The following GALNT17 variants were observed in gnomAD, a reference collection of about 807,000 sequenced individuals.
The protein encoded by GALNT17 is UDP-GalNAc:polypeptide N-acetylgalactosaminyltransferase-like 3.
In GALNT17, 29 loss-of-function variants were observed where a neutral mutation model predicts 63.7. The ratio of observed to expected loss-of-function variants is 0.46; its 90% CI spans 0.34 to 0.62. The LOEUF (loss-of-function observed/expected upper bound fraction) is 0.62. GALNT17 is among the 20% of genes least tolerant of loss of function. GALNT17 has a pLI of 0.01. For synonymous variants in GALNT17, 305 were observed against 318.3 expected, an observed-to-expected ratio of 0.96 and a Z score of 0.45; for missense variants, 603 against 799.6, an observed-to-expected ratio of 0.75 and a Z score of 2.97.
At chr7:71,536,228 T>G (rs1471580997) in intron 5 of GALNT17, among the ~76,000 whole-genome samples, 1 of 152,210 alleles carries the variant, frequency 6.6e-6, no homozygotes, top group Non-Finnish European at 1.5e-5. Context: ...GCTCTGATGA[T>G]GCCCCTGCCT....
chr7:71,591,365 C>T (rs968195601), intron 6 of GALNT17, among the ~76,000 whole-genome samples: 1 of 151,918 alleles, frequency 6.6e-6, no homozygotes, highest in African/African-American at 2.4e-5. Context: ...GGCTCTAGGC[C>T]TGTTGAATAT....
In GALNT17 at chr7:71,394,551, C is replaced by T. The variant is rs910387865; in HGVS notation, c.589+6150C>T. ...TGTCCAATAGGATCTACCACTCAAG[C>T]CCAGAACAATTCAAACCTGTAAGGC... On this transcript the variant is annotated intron_variant, in intron 3 of 10. Coordinates refer to ENST00000333538, the MANE Select transcript of GALNT17 (RefSeq NM_022479.3). Among the ~76,000 whole-genome samples the T allele has an allele frequency of 5.9e-5, 9 of 152,272 alleles. No homozygotes were observed. In the East Asian group the frequency reaches 1.7e-3, roughly 29 times the overall value.
In GALNT17 at chr7:71,405,822, C is replaced by A. The variant is rs112920063; in HGVS notation, c.590-10067C>A. 6.9e-3 allele frequency among the ~76,000 whole-genome samples: 1,046 copies of A among 152,290 alleles called. 15 individuals carry two copies. Among genetic ancestry groups the A allele is most frequent in the African/African-American group, 0.024 (994 of 41,562 alleles). On this transcript the variant is annotated intron_variant, in intron 3 of 10. Transcript: ENST00000333538. ...TCCCAAACACTTGCCCTCTTAATAC[C>A]ACCCCATTGAGGCATTGATTGGCAT...
At chr7:71,500,956 A>T (rs1284781227) in intron 5 of GALNT17, among the ~76,000 whole-genome samples, 1 of 151,688 alleles carries the variant, frequency 6.6e-6, no homozygotes, top group Non-Finnish European at 1.5e-5. Context: ...CTCTTGTTCC[A>T]CTGTCTTTTT....
At chr7:71,382,070 C>T (rs927530315) in intron 2 of GALNT17, among the ~76,000 whole-genome samples, 1 of 151,930 alleles carries the variant, frequency 6.6e-6, no homozygotes, top group Non-Finnish European at 1.5e-5. Flanking sequence ...CAGGGAAGGG[C>T]TAATAGATTA....
chr7:71,321,867 TTTCCTTCCTTCCTTCCTTCCTTCC>T (rs1178713360), intron 1 of GALNT17, among the ~76,000 whole-genome samples: 2 of 46,834 alleles, frequency 4.3e-5, no homozygotes, highest in South Asian at 1.4e-3. Context: ...CCTTCCTTCC[TTTCCTTCCTTCCTTCCTTCCTTCC>T]TTCCTTCCTT....
At chr7:71,228,686 C>G (rs1305385036) in intron 1 of GALNT17, among the ~76,000 whole-genome samples, 2 of 152,176 alleles carry the variant, frequency 1.3e-5, no homozygotes, top group Non-Finnish European at 2.9e-5. Flanking sequence ...TTGTCTTCAC[C>G]TCAACTCTTT....
intron 1 of GALNT17, among the ~76,000 whole-genome samples, chr7:71,139,861 C>T (rs534054073): frequency 2.0e-5 from 3 of 152,204 alleles, no homozygotes; most frequent in East Asian, 1.9e-4. Context: ...GGCGTGGTGA[C>T]GGGCATCTGT....
chr7:71,632,385 TG>T (rs1351209938), intron 6 of GALNT17, among the ~76,000 whole-genome samples: 2 of 152,118 alleles, frequency 1.3e-5, no homozygotes, highest in Non-Finnish European at 2.9e-5. Flanking sequence ...TGCCCGGTGT[TG>T]GGGTTCGAAT....
At chr7:71,693,198 AGT>A (rs965760378) in intron 9 of GALNT17, among the ~76,000 whole-genome samples, 2 of 126,480 alleles carry the variant, frequency 1.6e-5, no homozygotes, top group Non-Finnish European at 3.4e-5. Flanking sequence ...GTGTGTATAT[AGT>A]GTGTGTATAT....
At chr7:71,158,125 T>C (rs1018109815) in intron 1 of GALNT17, among the ~76,000 whole-genome samples, 46 of 118,700 alleles carry the variant, frequency 3.9e-4, no homozygotes, top group Non-Finnish European at 6.0e-4. Context: ...TGATTCCCCC[T>C]TTTTTTTTTT....
chr7:71,479,409 G>T (rs1244852383), intron 5 of GALNT17, among the ~76,000 whole-genome samples: 1 of 152,214 alleles, frequency 6.6e-6, no homozygotes, highest in Non-Finnish European at 1.5e-5. Flanking sequence ...CTTCAGAAAA[G>T]AGGCTGTGAC....
At chr7:71,207,989 C>T (rs1789305562) in intron 1 of GALNT17, among the ~76,000 whole-genome samples, 1 of 150,400 alleles carries the variant, frequency 6.6e-6, no homozygotes, top group Non-Finnish European at 1.5e-5. Context: ...GGCTGGAGTG[C>T]AGTGGCACGA....
rs200357341 is a variant in GALNT17 at position 71,399,704 on chromosome 7, TAA to T, written c.589+11305_589+11306del. Among the ~76,000 whole-genome samples, 1,404 of 152,316 alleles carry T rather than the reference TAA, an allele frequency of 9.2e-3. 14 individuals carry two copies. The highest frequency in any genetic ancestry group is 0.015 in the Non-Finnish European group (1,000 of 68,034). ...TTTGAGAATGTTTAATATAAATTGATAAACTGTCTTCCAGGTATGTGGTAATG... is the reference window on the plus strand; with the variant it reads ...TTTGAGAATGTTTAATATAAATTGATACTGTCTTCCAGGTATGTGGTAATG... On this transcript the variant is annotated intron_variant, in intron 3 of 10. Coordinates refer to ENST00000333538, the MANE Select transcript of GALNT17 (RefSeq NM_022479.3).
intron 1 of GALNT17, among the ~76,000 whole-genome samples, chr7:71,203,586 C>G (rs1203846689): frequency 6.6e-6 from 1 of 152,118 alleles, no homozygotes; most frequent in Non-Finnish European, 1.5e-5. Flanking sequence ...TCACACATGG[C>G]TATAAAGAAA....
chr7:71,232,449 G>A lies in GALNT17; in HGVS notation c.238+99409G>A, dbSNP rs1922517. 9.9e-3 allele frequency among the ~76,000 whole-genome samples: 1,499 copies of A among 152,108 alleles called. 32 individuals are homozygous for A. Among genetic ancestry groups the A allele is most frequent in the African/African-American group, 0.033 (1,386 of 41,472 alleles). On this transcript the variant is annotated intron_variant, in intron 1 of 10. Coordinates refer to ENST00000333538, the MANE Select transcript of GALNT17 (RefSeq NM_022479.3). ...TTTTAGCCAAAGCAGTGGGGAGTAG[G>A]GGGGAGTCACAGATATAGGGCATAG...
intron 6 of GALNT17, among the ~76,000 whole-genome samples, chr7:71,626,623 C>T (rs1438631260): frequency 6.6e-6 from 1 of 152,218 alleles, no homozygotes; most frequent in African/African-American, 2.4e-5. Flanking sequence ...TGGAAGAATA[C>T]ACCATCTGGA....
At chr7:71,613,655 G>A (rs1282835987) in intron 6 of GALNT17, among the ~76,000 whole-genome samples, 2 of 152,022 alleles carry the variant, frequency 1.3e-5, no homozygotes, top group Non-Finnish European at 2.9e-5. Context: ...GTCTTTGTTG[G>A]CTCCAGAACA....
rs1788486095 is a variant in GALNT17 at position 71,519,066 on chromosome 7, G to A, written c.963-52219G>A. Among the ~76,000 whole-genome samples the A allele has an allele frequency of 1.3e-5, 2 of 152,148 alleles. 1 individual carries two copies. The highest frequency in any genetic ancestry group is 4.1e-4 in the South Asian group (2 of 4,832). On this transcript the variant is annotated intron_variant, in intron 5 of 10. Coordinates refer to ENST00000333538, the MANE Select transcript of GALNT17 (RefSeq NM_022479.3). ...AGTTAATGTGTTACCCTCAGGCTTGGGTGGCTTCAGAGCAGAAAAGAACAG... is the reference window on the plus strand; with the variant it reads ...AGTTAATGTGTTACCCTCAGGCTTGAGTGGCTTCAGAGCAGAAAAGAACAG...
Sources: allele counts gnomAD v4.1 joint callset (sites outside exome capture counted in the v4.1 genomes callset), GRCh38; gene constraint gnomAD v4.1.1; transcripts MANE v1.5; gene names NCBI Gene and HGNC (gene_info 2026-07-23, HGNC 2026-07-21).